TTL: variants seen among roughly 807,000 people sequenced by gnomAD.
TTL encodes the protein tubulin tyrosine ligase, also known as tubulin--tyrosine ligase.
Under a neutral mutation model 41.1 loss-of-function variants are expected in TTL, and 10 were observed. That is an observed-to-expected ratio of 0.24 (90% CI 0.15 to 0.41). The LOEUF is 0.41. Ranked by LOEUF, TTL falls within the 10% of genes least tolerant of loss-of-function variation. The pLI is 1.00. For missense variants in TTL, 367 were observed against 460.4 expected (o/e 0.80, Z 1.86); for synonymous variants, 175 against 175.5 (o/e 1.00, Z 0.02).
rs1179388371 is a variant in TTL at position 112,531,549 on chromosome 2, G to GC, written c.*2757dup. 7 of 229,878 alleles carry GC rather than the reference G, an allele frequency of 3.0e-5. No homozygotes were observed. The highest frequency in any genetic ancestry group is 2.5e-4 in the East Asian group (4 of 16,072). 14.2% of individuals were successfully genotyped at this position (229,878 alleles called of 1,614,324 possible). A position where few individuals can be genotyped will look rare whatever the true frequency, so the allele number is the denominator to read the frequency against. ...TGTGAAGCTTTTAAAAAATGTTAGT[G>GC]CCCACTCTTCCCCTGTACCCCCGGA... On this transcript the variant is annotated 3_prime_UTR_variant, in exon 7 of 7. Transcript: ENST00000233336.
intron 2 of TTL, among the ~76,000 whole-genome samples, chr2:112,491,355 G>A (rs888022864): frequency 6.6e-6 from 1 of 151,996 alleles, no homozygotes; most frequent in Non-Finnish European, 1.5e-5. Flanking sequence ...ATCCTTTGAG[G>A]CAAAACACCC....
intron 3 of TTL, among the ~76,000 whole-genome samples, chr2:112,496,592 A>T (rs564584643): frequency 2.5e-4 from 38 of 151,902 alleles, no homozygotes; most frequent in African/African-American, 9.2e-4. Flanking sequence ...AGATAACAGT[A>T]GTAAATGTCT....
chr2:112,511,121 G>T (rs373672601), intron 5 of TTL, among the ~76,000 whole-genome samples: 1 of 151,916 alleles, frequency 6.6e-6, no homozygotes, highest in Non-Finnish European at 1.5e-5. Context: ...GGGCTCAAGC[G>T]TAAGTAGCCT....
At chr2:112,514,473 T>G (rs974625037) in intron 5 of TTL, among the ~76,000 whole-genome samples, 1 of 152,232 alleles carries the variant, frequency 6.6e-6, no homozygotes, top group African/African-American at 2.4e-5. Context: ...TTTGTCTTTT[T>G]GTTTTTAAGG....
chr2:112,511,408 CAAGTAT>C (rs1180658864), intron 5 of TTL, among the ~76,000 whole-genome samples: 1 of 151,942 alleles, frequency 6.6e-6, no homozygotes, highest in African/African-American at 2.4e-5. Flanking sequence ...CTGAAGTCTA[CAAGTAT>C]AATTATGGAT....
At chr2:112,513,068 CCT>C (rs1559017163) in intron 5 of TTL, among the ~76,000 whole-genome samples, 4 of 151,598 alleles carry the variant, frequency 2.6e-5, no homozygotes, top group Admixed American at 2.0e-4. Context: ...AATGCAAAAA[CCT>C]TATAACATAG....
intron 3 of TTL, among the ~76,000 whole-genome samples, chr2:112,500,605 A>G (rs1359124528): frequency 1.3e-5 from 2 of 152,270 alleles, no homozygotes; most frequent in African/African-American, 2.4e-5. Context: ...ATAACAACAA[A>G]AACTGTAGTA....
chr2:112,497,479 A>G (rs1404972367), intron 3 of TTL, among the ~76,000 whole-genome samples: 1 of 152,240 alleles, frequency 6.6e-6, no homozygotes, highest in African/African-American at 2.4e-5. Context: ...AACTTTTACT[A>G]AAAGTATCAC....
At chr2:112,518,765 C>G (rs775434579) in intron 5 of TTL, among the ~76,000 whole-genome samples, 42 of 151,738 alleles carry the variant, frequency 2.8e-4, no homozygotes, top group African/African-American at 4.4e-4. Flanking sequence ...ACCTCTGCCC[C>G]CTGTGTTCAA....
At chr2:112,488,980 G>C (rs758714119) in intron 2 of TTL, among the ~76,000 whole-genome samples, 10 of 151,954 alleles carry the variant, frequency 6.6e-5, no homozygotes, top group Non-Finnish European at 1.3e-4. Context: ...CCAGCTACTT[G>C]GGAGGCTGAG....
At chr2:112,512,133 C>T (rs909735499) in intron 5 of TTL, among the ~76,000 whole-genome samples, 2 of 151,964 alleles carry the variant, frequency 1.3e-5, no homozygotes, top group African/African-American at 4.8e-5. Flanking sequence ...CTCTTGCTGC[C>T]CGGACTAGAG....
Position 112,528,733 on chromosome 2 carries a change from G to C in TTL, c.1072G>C (p.Val358Leu). The change falls in exon 7 of 7, where the codon GTC (valine) becomes CTC (leucine). Residue 358 changes from valine (V) to leucine (L), a missense_variant. Transcript: ENST00000233336. ...CATCGTGGACATAGCCATTTCCAGT[G>C]TCTTCCCACCCCCAGATGTGGAGCA... ...QGIVDIAISS[V>L]FPPPDVEQPQ... 1.9e-6 allele frequency: 3 copies of C among 1,614,156 alleles called. No individual in the cohort carries two copies. The highest frequency in any genetic ancestry group is 2.5e-6 in the Non-Finnish European group (3 of 1,180,038).
At chr2:112,523,014 T>C (rs1466384689) in intron 6 of TTL, among the ~76,000 whole-genome samples, 1 of 152,168 alleles carries the variant, frequency 6.6e-6, no homozygotes, top group Non-Finnish European at 1.5e-5. Flanking sequence ...CCATTGCACC[T>C]AGGACACAAA....
At chr2:112,486,771 T>C (rs1681250873) in intron 2 of TTL, among the ~76,000 whole-genome samples, 1 of 152,202 alleles carries the variant, frequency 6.6e-6, no homozygotes, top group Non-Finnish European at 1.5e-5. Context: ...AAGGCTATTA[T>C]GAGAATTAAA....
In TTL at chr2:112,482,537, G is replaced by T; in HGVS notation, c.157+36G>T. 2 of 1,563,502 alleles carry T rather than the reference G, an allele frequency of 1.3e-6. No homozygotes were observed. The highest frequency in any genetic ancestry group is 4.9e-5 in the East Asian group (2 of 40,764). ...CCCCGATTCCCGTCTGCCCTCCTCGGAGCGGCCCTGCGCGCCTCCCGCGGC... is the reference window on the plus strand; with the variant it reads ...CCCCGATTCCCGTCTGCCCTCCTCGTAGCGGCCCTGCGCGCCTCCCGCGGC... On this transcript the variant is annotated intron_variant, in intron 1 of 6. Transcript: ENST00000233336. The surrounding 1 kb of genome is among the most constrained non-coding windows in gnomAD (Gnocchi z 5.3).
At chr2:112,503,805 CT>C (rs70963002) in intron 5 of TTL, among the ~76,000 whole-genome samples, 15,400 of 102,450 alleles carry the variant, frequency 0.15, 603 homozygotes, top group East Asian at 0.26. Context: ...CCGTAAACTT[CT>C]TTTTTTTTTT....
intron 4 of TTL, among the ~76,000 whole-genome samples, chr2:112,502,637 CAA>C (rs59408840): frequency 3.4e-4 from 42 of 123,026 alleles, no homozygotes; most frequent in Admixed American, 4.3e-4. Context: ...AACTCCATCT[CAA>C]AAAAAAAAAA....
chr2:112,510,889 A>T (rs552061119), intron 5 of TTL, among the ~76,000 whole-genome samples: 1 of 152,336 alleles, frequency 6.6e-6, no homozygotes, highest in East Asian at 1.9e-4. Flanking sequence ...ATATTAGGTC[A>T]GGAAGAGACT....
In TTL at chr2:112,500,967, T is replaced by C. The variant is rs1681677785; in HGVS notation, c.470-239T>C. Among the ~76,000 whole-genome samples, 3 of 149,090 alleles carry C rather than the reference T, an allele frequency of 2.0e-5. No homozygotes were observed. The South Asian group carries it at 6.5e-4, about 32-fold the overall frequency. On this transcript the variant is annotated intron_variant, in intron 3 of 6. Coordinates refer to ENST00000233336, the MANE Select transcript of TTL (RefSeq NM_153712.5). The stretch of plus-strand genomic sequence containing the variant: ...TTCTGTAAAACTGACGTTTCATGGT[T>C]GTAGCCAGCCAAGATAGCGTTGACA...
Sources: allele counts gnomAD v4.1 joint callset (sites outside exome capture counted in the v4.1 genomes callset), GRCh38; gene constraint gnomAD v4.1.1; non-coding constraint Gnocchi (gnomAD v3.1); transcripts MANE v1.5; gene names NCBI Gene and HGNC (gene_info 2026-07-23, HGNC 2026-07-21).